ADAM17: variants seen among roughly 807,000 people sequenced by gnomAD.
ADAM17 encodes the protein ADAM metallopeptidase domain 17, also known as disintegrin and metalloproteinase domain-containing protein 17.
A neutral mutation model predicts 96.7 loss-of-function variants in ADAM17; 39 were observed. The observed-to-expected ratio is 0.40, with a 90% confidence interval of 0.31 to 0.53. The LOEUF is 0.53. Among genes scored for constraint, ADAM17 ranks in the 20% least tolerant of loss-of-function variants. The pLI, the probability that ADAM17 is intolerant of heterozygous loss-of-function variation, is 0.44. For synonymous variants in ADAM17, 344 were observed against 359.2 expected (o/e 0.96, Z 0.48); for missense variants, 777 against 1,013.2 (o/e 0.77, Z 3.17).
rs967854123 is a variant in ADAM17 at position 9,515,605 on chromosome 2, C to T, written c.1191+2296G>A. Among the ~76,000 whole-genome samples the T allele has an allele frequency of 8.6e-5, 13 of 151,890 alleles. No homozygotes were observed. In the South Asian group the frequency reaches 1.2e-3, roughly 15 times the overall value. On this transcript the variant is annotated intron_variant, in intron 10 of 18. Coordinates refer to ENST00000310823, the MANE Select transcript of ADAM17 (RefSeq NM_003183.6). ...TACAAAAATTAGCTGGGAGTGGCAG[C>T]GGGCACCTGTAATCCCAGCTACTCA...
intron 1 of ADAM17, among the ~76,000 whole-genome samples, chr2:9,549,311 C>T (rs1665511895): frequency 6.6e-6 from 1 of 152,088 alleles, no homozygotes; most frequent in Non-Finnish European, 1.5e-5. Flanking sequence ...GCAGAGGTTG[C>T]AGTGAGTGAG....
intron 1 of ADAM17, among the ~76,000 whole-genome samples, chr2:9,553,856 G>A (rs1002093271): frequency 2.6e-5 from 4 of 152,104 alleles, no homozygotes; most frequent in South Asian, 2.1e-4. Context: ...GAGGTCAAGA[G>A]TTCTAGACCA....
At chr2:9,497,962 ATTAAG>A (rs966554863) in intron 13 of ADAM17, among the ~76,000 whole-genome samples, 37 of 152,304 alleles carry the variant, frequency 2.4e-4, no homozygotes, top group African/African-American at 8.4e-4. Flanking sequence ...GATCAAATCT[ATTAAG>A]TTATCTCCAA....
rs1164444912 is a variant in ADAM17, at chr2:9,499,110, CTTCTT to C, written c.1649-1867_1649-1863del. ...ATGCTAATTGCTTTTTTTCTTTCTT[CTTCTT>C]TTTTTTTTTTTTTTTTGAGGTTGTT... On this transcript the variant is annotated intron_variant, in intron 13 of 18. Transcript: ENST00000310823. Among the ~76,000 whole-genome samples the C allele has an allele frequency of 7.9e-5, 11 of 138,722 alleles. No homozygotes were observed. In the South Asian group the frequency reaches 1.3e-3, roughly 17 times the overall value. The allele number at this position is 138,722 out of a possible 152,430, so 91.0% of individuals were successfully genotyped here.
intron 15 of ADAM17, among the ~76,000 whole-genome samples, chr2:9,494,393 A>C (rs1662395089): frequency 6.6e-6 from 1 of 152,102 alleles, no homozygotes; most frequent in African/African-American, 2.4e-5. Flanking sequence ...ACTTTACCAT[A>C]AAGTCCCCAC....
At chr2:9,548,047 A>G (rs1223394778) in intron 1 of ADAM17, among the ~76,000 whole-genome samples, 1 of 151,774 alleles carries the variant, frequency 6.6e-6, no homozygotes, top group East Asian at 1.9e-4. Flanking sequence ...AGCCTAGGCA[A>G]CGAGGCCAGA....
intron 2 of ADAM17, among the ~76,000 whole-genome samples, chr2:9,538,373 T>C (rs1467756257): frequency 6.6e-6 from 1 of 152,204 alleles, no homozygotes; most frequent in Non-Finnish European, 1.5e-5. Context: ...TTTTAACTTT[T>C]TGAGCATAAC....
chr2:9,535,651 G>A (rs1337045850), intron 4 of ADAM17, among the ~76,000 whole-genome samples, 183 bp downstream of exon 4: 1 of 151,960 alleles, frequency 6.6e-6, no homozygotes, highest in Non-Finnish European at 1.5e-5. Flanking sequence ...AGAAATACAG[G>A]GTGTATCATA....
Position 9,527,773 on chromosome 2 carries a change from CTT to C in ADAM17, c.619+11_619+12del. ...GTTTGTTTCTTATTTGAAATACACTCTTTAAGTCTTACCTTCAGGTGGTTCTC... is the reference window on the plus strand; with the variant it reads ...GTTTGTTTCTTATTTGAAATACACTCTAAGTCTTACCTTCAGGTGGTTCTC... On this transcript the variant is annotated intron_variant, in intron 5 of 18. Transcript: ENST00000310823. The C allele has an allele frequency of 6.5e-7, 1 of 1,539,050 alleles. No individual in the cohort carries two copies. Among genetic ancestry groups the C allele is most frequent in the Non-Finnish European group, 8.7e-7 (1 of 1,145,256 alleles).
At chr2:9,508,564 C>T (rs1269872374) in intron 11 of ADAM17, among the ~76,000 whole-genome samples, 1 of 152,204 alleles carries the variant, frequency 6.6e-6, no homozygotes, top group Non-Finnish European at 1.5e-5. Flanking sequence ...TAATCTCACT[C>T]ATGTCCTTTT....
intron 13 of ADAM17, among the ~76,000 whole-genome samples, chr2:9,500,149 G>A (rs1051118817): frequency 6.6e-6 from 1 of 152,150 alleles, no homozygotes; most frequent in Non-Finnish European, 1.5e-5. Context: ...CAACCCAAAT[G>A]TCTATCAACC....
rs772911575 is a variant in ADAM17, at chr2:9,555,543, C to T, written c.63G>A (p.Pro21=). 3 of 1,603,432 alleles carry T rather than the reference C, an allele frequency of 1.9e-6. No individual in the cohort carries two copies. Among genetic ancestry groups the T allele is most frequent in the African/African-American group, 2.7e-5 (2 of 74,778 alleles). Residue 21 remains proline, a synonymous_variant, in exon 1 of 19, where the codon CCG becomes CCA. Transcript: ENST00000310823. ...VVPFVLAPRP[P]DDPGFGPHQR... is the part of the protein sequence containing the mutation. ...GGTGGGGGCCGAAGCCCGGGTCATC[C>T]GGAGGTCGCGGCGCCAGCACGAAAG... is the stretch of plus-strand genomic sequence containing the variant.
At chr2:9,518,045 A>T (rs1167788149) in intron 9 of ADAM17, 56 bp from the exon 10 acceptor site, 5 of 1,573,134 alleles carry the variant, frequency 3.2e-6, no homozygotes, top group Non-Finnish European at 4.3e-6. Flanking sequence ...ATTATAATAT[A>T]ATCCAATCAT....
At chr2:9,551,800 T>C (rs893536418) in intron 1 of ADAM17, among the ~76,000 whole-genome samples, 1 of 152,156 alleles carries the variant, frequency 6.6e-6, no homozygotes. Context: ...TGAAAAAAAG[T>C]TTGTGTACAA....
rs985415075 is a variant in ADAM17, at chr2:9,511,167, G to C, written c.1192-1036C>G. ...AAGCAAGGGGTAAAAAAAACAGTAC[G>C]GATAGGCGCAGTGGCTCACACCTGT... On this transcript the variant is annotated intron_variant, in intron 10 of 18. Transcript: ENST00000310823. Among the ~76,000 whole-genome samples the C allele has an allele frequency of 3.9e-5, 6 of 152,204 alleles. No individual in the cohort carries two copies. The South Asian group carries it at 6.2e-4, about 16-fold the overall frequency.
intron 6 of ADAM17, among the ~76,000 whole-genome samples, chr2:9,524,577 C>G (rs1242014294): frequency 6.6e-6 from 1 of 152,262 alleles, no homozygotes; most frequent in Non-Finnish European, 1.5e-5. Context: ...ACTGTATTCC[C>G]TTCTAAAAAG....
intron 8 of ADAM17, among the ~76,000 whole-genome samples, chr2:9,520,392 C>A (rs1167818435): frequency 6.6e-6 from 1 of 152,204 alleles, no homozygotes; most frequent in Non-Finnish European, 1.5e-5. Flanking sequence ...AGTTAGCCAT[C>A]TTTAGATTAA....
chr2:9,489,426 G>A lies in ADAM17; in HGVS notation c.*751C>T, dbSNP rs958005933. ...AGCATGTATCCCTATCAGTAACAGG[G>A]ATACATGAAGATACTTATAAAATAC... is the stretch of plus-strand genomic sequence containing the variant. On this transcript the variant is annotated 3_prime_UTR_variant, in exon 19 of 19. Transcript: ENST00000310823. 7 of 146,158 alleles carry A rather than the reference G, an allele frequency of 4.8e-5. No homozygotes were observed. The highest frequency in any genetic ancestry group is 7.5e-5 in the Non-Finnish European group (5 of 66,318). The allele number at this position is 146,158 out of a possible 1,614,324, so 9.1% of individuals were successfully genotyped here.
At chr2:9,499,113 CTT>C (rs59259119) in intron 13 of ADAM17, among the ~76,000 whole-genome samples, 3 of 47,510 alleles carry the variant, frequency 6.3e-5, no homozygotes, top group Non-Finnish European at 9.7e-5. Flanking sequence ...CTTTCTTCTT[CTT>C]TTTTTTTTTT....
Sources: gnomAD v4.1 joint callset for allele counts (sites outside exome capture counted in the v4.1 genomes callset) on GRCh38, gnomAD v4.1.1 for gene constraint, MANE v1.5 for transcripts, NCBI Gene and HGNC (gene_info 2026-07-23, HGNC 2026-07-21) for gene names.